The following CDC7 variants were observed in gnomAD, a reference collection of about 807,000 sequenced individuals.
The protein encoded by CDC7 is cell division cycle 7-related protein kinase.
Under a neutral mutation model 53.5 loss-of-function variants are expected in CDC7, and 34 were observed. The ratio of observed to expected loss-of-function variants is 0.64; its 90% CI spans 0.48 to 0.85. CDC7 has a LOEUF of 0.85. Ranked by LOEUF, CDC7 falls within the 40% of genes least tolerant of loss-of-function variation. The probability of loss-of-function intolerance (pLI) is 0.00; values close to 1 mark genes in which losing one functional copy is unlikely to be tolerated. For missense variants in CDC7, 594 were observed against 679.7 expected, an observed-to-expected ratio of 0.87 and a Z score of 1.40; for synonymous variants, 211 against 222.8, an observed-to-expected ratio of 0.95 and a Z score of 0.47.
rs773524110 is a variant in CDC7, at chr1:91,520,147, G to A, written c.1198G>A (p.Ala400Thr). 1 of 1,596,728 alleles carries A rather than the reference G, an allele frequency of 6.3e-7. No individual in the cohort carries two copies. The highest frequency in any genetic ancestry group is 1.3e-5 in the African/African-American group (1 of 74,232). The change falls in exon 11 of 12, where the codon GCA becomes ACA. Residue 400 changes from alanine to threonine, a missense_variant. Coordinates refer to ENST00000234626, the MANE Select transcript of CDC7 (RefSeq NM_003503.4). The part of the protein sequence containing the change: ...NQTTAIDMWS[A>T]GVIFLSLLSG... ...TGTTGCAGCAATTGACATGTGGTCT[G>A]CAGGTGTCATATTTCTTTCTTTGCT...
intron 11 of CDC7, among the ~76,000 whole-genome samples, chr1:91,521,404 A>G (rs1667938839): frequency 1.3e-5 from 2 of 152,198 alleles, no homozygotes; most frequent in Admixed American, 1.3e-4. Flanking sequence ...AGAAAAACTT[A>G]GTGGTGGTTG....
At chr1:91,501,513 C>T (rs1424217509) in intron 1 of CDC7, 141 bp from the exon 2 acceptor site, 1 of 526,790 alleles carries the variant, frequency 1.9e-6, no homozygotes, top group Non-Finnish European at 3.4e-6. Context: ...ATTCCTTAGA[C>T]AAGGCCACAG....
At chr1:91,524,001 TG>T (rs1445357287) in intron 11 of CDC7, 39 bp from the exon 12 acceptor site, 1 of 1,486,500 alleles carries the variant, frequency 6.7e-7, no homozygotes, top group Non-Finnish European at 9.1e-7. Context: ...AATAATAAAA[TG>T]TTTTTTTCTG....
chr1:91,514,039 T>G lies in CDC7; in HGVS notation c.914T>G (p.Val305Gly). Residue 305 changes from valine (V) to glycine (G), a missense_variant, in exon 8 of 12, where the codon GTG becomes GGG. Coordinates refer to ENST00000234626, the MANE Select transcript of CDC7 (RefSeq NM_003503.4). Reference protein sequence around the residue: ...HSSISHESPAVKLMKQSKTVD... With the variant: ...HSSISHESPAGKLMKQSKTVD... Reference sequence around the variant, plus strand: ...TCCATTTCACATGAGAGCCCTGCAGTGAAAGTAAGTAATGTAGCTTAATAG... The same window carrying G: ...TCCATTTCACATGAGAGCCCTGCAGGGAAAGTAAGTAATGTAGCTTAATAG... 1 of 1,598,916 alleles carries G rather than the reference T, an allele frequency of 6.3e-7. No individual in the cohort carries two copies. Among genetic ancestry groups the G allele is most frequent in the African/African-American group, 1.3e-5 (1 of 74,686 alleles).
At chr1:91,519,116 G>A (rs974091440) in intron 10 of CDC7, among the ~76,000 whole-genome samples, 42 of 151,602 alleles carry the variant, frequency 2.8e-4, no homozygotes, top group Admixed American at 2.3e-3. Context: ...ACAGCAGGGG[G>A]ATTATAGTCA....
At position 91,504,257 on chromosome 1, in the gene CDC7, C is replaced by T. The variant is rs567316188; in HGVS notation, c.115+2426C>T. On this transcript the variant is annotated intron_variant, in intron 2 of 11. Coordinates refer to ENST00000234626, the MANE Select transcript of CDC7 (RefSeq NM_003503.4). ...AGTAGCTTGGATTACAGGCATGTGC[C>T]GCTACACTCAGCTAATTTTAAATAT... Among the ~76,000 whole-genome samples, 53 of 152,064 alleles carry T rather than the reference C, an allele frequency of 3.5e-4. No homozygotes were observed. The South Asian group carries it at 8.1e-3, about 23-fold the overall frequency.
At chr1:91,505,476 CTA>C (rs1208895172) in intron 2 of CDC7, among the ~76,000 whole-genome samples, 1 of 152,076 alleles carries the variant, frequency 6.6e-6, no homozygotes, top group Non-Finnish European at 1.5e-5. Flanking sequence ...GTTAAGGAGA[CTA>C]TTGGTATATT....
At position 91,525,389 on chromosome 1, in the gene CDC7, G is replaced by C. The variant is rs1191991208; in HGVS notation, c.*954G>C. 1 of 152,112 alleles carries C rather than the reference G, an allele frequency of 6.6e-6. No individual in the cohort carries two copies. Among genetic ancestry groups the C allele is most frequent in the African/African-American group, 2.4e-5 (1 of 41,436 alleles). 9.4% of individuals were successfully genotyped at this position (152,112 alleles called of 1,614,324 possible). A position where few individuals can be genotyped will look rare whatever the true frequency, so the allele number is the denominator to read the frequency against. On this transcript the variant is annotated 3_prime_UTR_variant, in exon 12 of 12. Coordinates refer to ENST00000234626, the MANE Select transcript of CDC7 (RefSeq NM_003503.4). ...AGAGCCATCCAGATCTCTGTATCCT[G>C]TTTTGACTAAGTCTTAGGTGGGTTG...
intron 4 of CDC7, among the ~76,000 whole-genome samples, chr1:91,509,390 A>G (rs1667153230): frequency 6.7e-6 from 1 of 150,108 alleles, no homozygotes; most frequent in Admixed American, 6.6e-5. Flanking sequence ...AAAAAAAAAC[A>G]CCACAACAAA....
At chr1:91,511,266 T>G (rs1667271847) in intron 4 of CDC7, among the ~76,000 whole-genome samples, 1 of 152,148 alleles carries the variant, frequency 6.6e-6, no homozygotes, top group East Asian at 1.9e-4. Flanking sequence ...ATTAGTTTAG[T>G]GACCTTGATT....
chr1:91,518,654 T>C (rs1219612720), intron 10 of CDC7, among the ~76,000 whole-genome samples: 1 of 152,156 alleles, frequency 6.6e-6, no homozygotes, highest in African/African-American at 2.4e-5. Context: ...AAGAGTTGCA[T>C]GTTCTCACTA....
At position 91,500,912 on chromosome 1, in the gene CDC7, C is replaced by T. The variant is rs992567677; in HGVS notation, c.-100C>T. 2.6e-5 allele frequency: 4 copies of T among 152,246 alleles called. No individual in the cohort carries two copies. Among genetic ancestry groups the T allele is most frequent in the African/African-American group, 9.6e-5 (4 of 41,458 alleles). 9.4% of individuals were successfully genotyped at this position (152,246 alleles called of 1,614,324 possible). The stretch of plus-strand genomic sequence containing the variant: ...GATCTCTTGGAGACGGCGACCCAGG[C>T]ATCTGGGGAGCCACAGAAGTCGTAC... On this transcript the variant is annotated 5_prime_UTR_variant, in exon 1 of 12. Coordinates refer to ENST00000234626, the MANE Select transcript of CDC7 (RefSeq NM_003503.4).
rs1668235488 is a variant in CDC7 at position 91,525,671 on chromosome 1, A to G, written c.*1236A>G. The G allele has an allele frequency of 1.3e-5, 2 of 152,050 alleles. No individual in the cohort carries two copies. Among genetic ancestry groups the G allele is most frequent in the African/African-American group, 4.8e-5 (2 of 41,432 alleles). The allele number at this position is 152,050 out of a possible 1,614,324, so 9.4% of individuals were successfully genotyped here. Reference sequence around the variant, plus strand: ...TTGGTAAGTATAGGATATATAAACCATTACCATTGATCTGTCTTATGCCAT... The same window carrying G: ...TTGGTAAGTATAGGATATATAAACCGTTACCATTGATCTGTCTTATGCCAT... On this transcript the variant is annotated 3_prime_UTR_variant, in exon 12 of 12. Transcript: ENST00000234626.
chr1:91,503,608 T>C (rs1396290903), intron 2 of CDC7, among the ~76,000 whole-genome samples: 1 of 152,212 alleles, frequency 6.6e-6, no homozygotes, highest in African/African-American at 2.4e-5. Context: ...AGTAAAATAC[T>C]TAGTGTAATG....
intron 10 of CDC7, among the ~76,000 whole-genome samples, chr1:91,516,847 C>G (rs1213816738): frequency 6.6e-6 from 1 of 152,116 alleles, no homozygotes. Flanking sequence ...GGCGGATCAC[C>G]TGAGATCAGG....
At chr1:91,523,608 G>A (rs1668101162) in intron 11 of CDC7, among the ~76,000 whole-genome samples, 1 of 152,174 alleles carries the variant, frequency 6.6e-6, no homozygotes. Flanking sequence ...GGTGATGTCA[G>A]TGAGAGTGTC....
intron 4 of CDC7, 43 bp downstream of exon 4, chr1:91,508,440 T>C: frequency 2.0e-6 from 3 of 1,479,694 alleles, no homozygotes; most frequent in Non-Finnish European, 2.8e-6. Flanking sequence ...GTATATAATT[T>C]ATAAGATTTT....
intron 10 of CDC7, among the ~76,000 whole-genome samples, chr1:91,518,556 C>T (rs1370969846): frequency 6.6e-6 from 1 of 152,064 alleles, no homozygotes; most frequent in African/African-American, 2.4e-5. Context: ...ACTATTCAGC[C>T]ACGAAAAAGA....
chr1:91,517,870 G>C (rs1667651047), intron 10 of CDC7, among the ~76,000 whole-genome samples: 1 of 152,022 alleles, frequency 6.6e-6, no homozygotes. Flanking sequence ...GGCCAAGGCA[G>C]GCAGATCACT....
Sources: allele counts gnomAD v4.1 joint callset (sites outside exome capture counted in the v4.1 genomes callset), GRCh38; gene constraint gnomAD v4.1.1; transcripts MANE v1.5; gene names NCBI Gene and HGNC (gene_info 2026-07-23, HGNC 2026-07-21).